The following HIVEP1 variants were observed in gnomAD, a reference collection of about 807,000 sequenced individuals.
HIVEP1 encodes HIVEP zinc finger 1.
In HIVEP1, 36 loss-of-function variants were observed where a neutral mutation model predicts 180.0. The observed-to-expected ratio is 0.20, with a 90% CI of 0.15 to 0.26. The LOEUF is 0.26. HIVEP1 is among the 10% of genes least tolerant of loss of function. The pLI is 1.00. For synonymous variants in HIVEP1, 1,239 were observed against 1,239.0 expected, an observed-to-expected ratio of 1.00 and a Z score of 0.00; for missense variants, 3,143 against 3,268.7, an observed-to-expected ratio of 0.96 and a Z score of 0.94.
intron 7 of HIVEP1, among the ~76,000 whole-genome samples, chr6:12,138,223 A>G (rs896328402): frequency 7.9e-4 from 121 of 152,322 alleles, no homozygotes; most frequent in African/African-American, 2.6e-3. Context: ...ATAATTTTAC[A>G]TTGTTCTCCA....
the HIVEP1 span, among the ~76,000 whole-genome samples, chr6:12,172,784 C>T: frequency 3.4e-5 from 5 of 148,328 alleles, no homozygotes; most frequent in Middle Eastern, 3.6e-3. Context: ...AGTTAAAACA[C>T]GGTCCTTTTT....
intron 7 of HIVEP1, among the ~76,000 whole-genome samples, chr6:12,151,117 T>G (rs1006063681): frequency 2.2e-4 from 34 of 152,350 alleles, no homozygotes; most frequent in African/African-American, 8.2e-4. Flanking sequence ...GGAAGTTGTT[T>G]GACGTAAATG....
chr6:12,135,838 G>C lies in HIVEP1; in HGVS notation c.6433G>C (p.Val2145Leu). 1 of 1,613,004 alleles carries C rather than the reference G, an allele frequency of 6.2e-7. No individual in the cohort carries two copies. Among genetic ancestry groups the C allele is most frequent in the Non-Finnish European group, 8.5e-7 (1 of 1,179,104 alleles). Residue 2145 changes from valine to leucine, a missense_variant, in exon 7 of 9, where the codon GTG (valine) becomes CTG (leucine). Physicochemically the swap from Val to Leu is conservative, Grantham distance 32. This residue lies in a region of HIVEP1 where 126 missense variants were observed against 168.5 expected (regional missense o/e 0.75). Coordinates refer to ENST00000379388, the MANE Select transcript of HIVEP1 (RefSeq NM_002114.4). ...MKSKAHSKKC[V>L]DLGVSVGLID... Reference sequence around the variant, plus strand: ...GTCCAAGGCACATAGCAAGAAATGTGTGGATTTAGGCGTCTCAGTAGGTTT... The same window carrying C: ...GTCCAAGGCACATAGCAAGAAATGTCTGGATTTAGGCGTCTCAGTAGGTTT...
intron 6 of HIVEP1, among the ~76,000 whole-genome samples, chr6:12,133,379 TC>T (rs1758534225): frequency 6.6e-6 from 1 of 152,192 alleles, no homozygotes; most frequent in Non-Finnish European, 1.5e-5. Flanking sequence ...TCTCATGCTT[TC>T]CAGAGGATTC....
the HIVEP1 span, among the ~76,000 whole-genome samples, chr6:12,196,382 G>A: frequency 6.6e-6 from 1 of 152,094 alleles, no homozygotes; most frequent in Admixed American, 6.5e-5. Flanking sequence ...TGGCAGTTCA[G>A]CCCTCAGCCA....
Position 12,125,837 on chromosome 6 carries a change from C to A in HIVEP1, c.6042C>A (p.Val2014=). Residue 2014 remains valine (V), a synonymous_variant, in exon 4 of 9, where the codon GTC becomes GTA. Transcript: ENST00000379388. ...ITTHSKSDLL[V]YSSKWKSSLS... ...CCCATTCCAAGTCAGACTTATTGGT[C>A]TATTCAAGCAAGTGGAAAAGCAGCT... The A allele has an allele frequency of 6.2e-7, 1 of 1,611,310 alleles. No individual in the cohort carries two copies. Among genetic ancestry groups the A allele is most frequent in the Non-Finnish European group, 8.5e-7 (1 of 1,178,544 alleles).
the HIVEP1 span, among the ~76,000 whole-genome samples, chr6:12,180,266 A>G: frequency 4.6e-5 from 7 of 152,178 alleles, no homozygotes; most frequent in African/African-American, 1.7e-4. Context: ...TTCTTCATGC[A>G]TATTCTTTTC....
chr6:12,056,559 AT>A (rs1298878452), intron 2 of HIVEP1, among the ~76,000 whole-genome samples: 1 of 151,558 alleles, frequency 6.6e-6, no homozygotes, highest in African/African-American at 2.4e-5. Flanking sequence ...TTTTGGGGGG[AT>A]TTGTCTAATT....
chr6:12,197,155 C>G, the HIVEP1 span, among the ~76,000 whole-genome samples: 1 of 152,082 alleles, frequency 6.6e-6, no homozygotes, highest in East Asian at 1.9e-4. Flanking sequence ...GTATGTCTGG[C>G]CTTGTCAATT....
chr6:12,032,385 G>C (rs896513699), intron 2 of HIVEP1, among the ~76,000 whole-genome samples: 1 of 151,726 alleles, frequency 6.6e-6, no homozygotes, highest in East Asian at 1.9e-4. Flanking sequence ...CTTGTGATCC[G>C]CCCGCCTCAG....
downstream of HIVEP1, among the ~76,000 whole-genome samples, chr6:12,167,751 TATA>T (rs770397895): frequency 7.8e-4 from 88 of 112,410 alleles, no homozygotes; most frequent in Non-Finnish European, 1.4e-3. Context: ...TATGTGCGTG[TATA>T]ATATATACAT....
In HIVEP1 at chr6:12,078,478, A is replaced by G. The variant is rs532340641; in HGVS notation, c.41-10706A>G. Among the ~76,000 whole-genome samples, 38 of 152,116 alleles carry G rather than the reference A, an allele frequency of 2.5e-4. No individual in the cohort carries two copies. In the East Asian group the frequency reaches 6.0e-3, roughly 24 times the overall value. Reference sequence around the variant, plus strand: ...ATGGTTCCTGGTCTGCAGTGAGCTAAATGCACAAGGCCCAGGAAGGGGAGC... The same window carrying G: ...ATGGTTCCTGGTCTGCAGTGAGCTAGATGCACAAGGCCCAGGAAGGGGAGC... On this transcript the variant is annotated intron_variant, in intron 2 of 8. Coordinates refer to ENST00000379388, the MANE Select transcript of HIVEP1 (RefSeq NM_002114.4).
the HIVEP1 span, among the ~76,000 whole-genome samples, chr6:12,173,604 C>A: frequency 1.3e-5 from 2 of 152,100 alleles, no homozygotes. Flanking sequence ...TACTTTTGGT[C>A]CTGAAATGCA....
At chr6:12,148,176 TC>T (rs1180971985) in intron 7 of HIVEP1, among the ~76,000 whole-genome samples, 1 of 152,220 alleles carries the variant, frequency 6.6e-6, no homozygotes, top group Non-Finnish European at 1.5e-5. Flanking sequence ...ATAAAATGTT[TC>T]TGGTGCTACA....
intron 2 of HIVEP1, among the ~76,000 whole-genome samples, chr6:12,075,407 T>C (rs1054870754): frequency 7.2e-5 from 11 of 152,220 alleles, no homozygotes; most frequent in African/African-American, 2.7e-4. Context: ...TTCCTTTCCT[T>C]TGGGCTCAGA....
At chr6:12,048,356 T>G (rs1322335934) in intron 2 of HIVEP1, among the ~76,000 whole-genome samples, 2 of 152,220 alleles carry the variant, frequency 1.3e-5, no homozygotes, top group Non-Finnish European at 2.9e-5. Flanking sequence ...TAGGGTCATA[T>G]TTTTCTGAAC....
the HIVEP1 span, among the ~76,000 whole-genome samples, chr6:12,170,043 C>T: frequency 1.3e-5 from 2 of 151,770 alleles, no homozygotes; most frequent in African/African-American, 2.4e-5. Context: ...ATGGCATGAA[C>T]CTGGGAGGCA....
At chr6:12,168,637 A>G (rs965534951), downstream of HIVEP1, among the ~76,000 whole-genome samples, 5 of 151,894 alleles carry the variant, frequency 3.3e-5, no homozygotes, top group Non-Finnish European at 7.4e-5. Context: ...TGCTAGCAAT[A>G]TAGGGTTTGA....
intron 2 of HIVEP1, among the ~76,000 whole-genome samples, chr6:12,069,898 TAA>T (rs974133113): frequency 8.5e-5 from 13 of 152,104 alleles, no homozygotes; most frequent in African/African-American, 3.1e-4. Context: ...TCTTATTCTA[TAA>T]GTTTTTTTCT....
Sources: allele counts gnomAD v4.1 joint callset (sites outside exome capture counted in the v4.1 genomes callset), GRCh38; gene constraint gnomAD v4.1.1; regional missense constraint gnomAD v4.1.1; transcripts MANE v1.5; gene names NCBI Gene and HGNC (gene_info 2026-07-23, HGNC 2026-07-21).